FNIP1: variants seen among roughly 807,000 people sequenced by gnomAD.
The protein encoded by FNIP1 is folliculin interacting protein 1.
Under a neutral mutation model 124.5 loss-of-function variants are expected in FNIP1, and 40 were observed. The observed-to-expected ratio is 0.32, with a 90% confidence interval of 0.25 to 0.42. The LOEUF is 0.42. Among genes scored for constraint, FNIP1 ranks in the 10% least tolerant of loss-of-function variants. The probability of loss-of-function intolerance (pLI) is 1.00; values close to 1 mark genes in which losing one functional copy is unlikely to be tolerated. For synonymous variants in FNIP1, 472 were observed against 470.6 expected (o/e 1.00, Z -0.04); for missense variants, 1,176 against 1,403.7 (o/e 0.84, Z 2.59).
chr5:131,715,734 A>G (rs1347241827), intron 6 of FNIP1, among the ~76,000 whole-genome samples: 2 of 152,172 alleles, frequency 1.3e-5, no homozygotes, highest in African/African-American at 4.8e-5. Flanking sequence ...TAGGTGTTTT[A>G]TAAGTGATTG....
chr5:131,788,488 G>A (rs1162391410), intron 1 of FNIP1, among the ~76,000 whole-genome samples: 3 of 151,964 alleles, frequency 2.0e-5, no homozygotes, highest in Admixed American at 6.6e-5. Flanking sequence ...GGCCAACATG[G>A]TGAAACTCCC....
At chr5:131,742,961 T>C (rs1305284277) in intron 2 of FNIP1, among the ~76,000 whole-genome samples, 1 of 152,210 alleles carries the variant, frequency 6.6e-6, no homozygotes, top group South Asian at 2.1e-4. Flanking sequence ...TGTAAGGCAA[T>C]GTGCAGTGTA....
chr5:131,709,133 G>A, intron 8 of FNIP1, 68 bp downstream of exon 8: 2 of 1,258,678 alleles, frequency 1.6e-6, no homozygotes, highest in Non-Finnish European at 1.2e-6. Flanking sequence ...AATAAAGGGA[G>A]GGATAAAAAA....
intron 2 of FNIP1, among the ~76,000 whole-genome samples, chr5:131,731,456 C>G (rs953967638): frequency 4.6e-5 from 7 of 151,994 alleles, no homozygotes; most frequent in Non-Finnish European, 8.8e-5. Flanking sequence ...GAGTTCAAGA[C>G]CAGCCCGACC....
chr5:131,716,724 C>T (rs767438274), intron 5 of FNIP1, 68 bp from the exon 6 acceptor site: 1 of 940,062 alleles, frequency 1.1e-6, no homozygotes, highest in Non-Finnish European at 1.6e-6. Context: ...CTTTGTACAT[C>T]CTGATGAAAT....
intron 11 of FNIP1, among the ~76,000 whole-genome samples, chr5:131,683,372 C>G (rs1480683989): frequency 6.6e-6 from 1 of 151,778 alleles, no homozygotes; most frequent in Non-Finnish European, 1.5e-5. Flanking sequence ...CACGGAGAAA[C>G]CCTGTCGCTA....
rs936319252 is a variant in FNIP1 at position 131,775,459 on chromosome 5, G to A, written c.92+21371C>T. 1.2e-3 allele frequency among the ~76,000 whole-genome samples: 67 copies of A among 53,674 alleles called. 1 individual carries two copies. Among genetic ancestry groups the A allele is most frequent in the African/African-American group, 5.2e-3 (65 of 12,602 alleles). The allele number at this position is 53,674 out of a possible 152,430, so 35.2% of individuals were successfully genotyped here. A position where few individuals can be genotyped will look rare whatever the true frequency, so the allele number is the denominator to read the frequency against. Reference sequence around the variant, plus strand: ...AACAGTTCATTTAAAAATAAAATATGTATCATCTAATAATTCCATATTGAA... The same window carrying A: ...AACAGTTCATTTAAAAATAAAATATATATCATCTAATAATTCCATATTGAA... On this transcript the variant is annotated intron_variant, in intron 1 of 17. Coordinates refer to ENST00000510461, the MANE Select transcript of FNIP1 (RefSeq NM_133372.3).
At chr5:131,762,612 G>A (rs1301505579) in intron 1 of FNIP1, among the ~76,000 whole-genome samples, 1 of 152,128 alleles carries the variant, frequency 6.6e-6, no homozygotes, top group African/African-American at 2.4e-5. Flanking sequence ...ATGCTGGTGA[G>A]GATGTAGAGA....
intron 3 of FNIP1, among the ~76,000 whole-genome samples, chr5:131,728,937 C>T (rs1440460229): frequency 6.6e-6 from 1 of 152,182 alleles, no homozygotes; most frequent in Non-Finnish European, 1.5e-5. Context: ...ACCAGTCAGG[C>T]CCCTCCGCTG....
At chr5:131,777,971 T>C (rs1035927022) in intron 1 of FNIP1, among the ~76,000 whole-genome samples, 1 of 152,208 alleles carries the variant, frequency 6.6e-6, no homozygotes, top group African/African-American at 2.4e-5. Flanking sequence ...GAATGGTTGA[T>C]AGGCAACCCT....
intron 6 of FNIP1, among the ~76,000 whole-genome samples, chr5:131,715,410 C>T (rs1167570741): frequency 1.3e-5 from 2 of 152,046 alleles, no homozygotes; most frequent in Non-Finnish European, 2.9e-5. Flanking sequence ...CGCTTGAACC[C>T]GGGAGGCAGA....
At chr5:131,777,192 T>G (rs1771839229) in intron 1 of FNIP1, among the ~76,000 whole-genome samples, 1 of 151,970 alleles carries the variant, frequency 6.6e-6, no homozygotes, top group Admixed American at 6.6e-5. Context: ...GAAAACAGAA[T>G]TTTCAACATA....
chr5:131,731,036 T>C lies in FNIP1; in HGVS notation c.222A>G (p.Lys74=). The C allele has an allele frequency of 1.3e-6, 2 of 1,599,496 alleles. No homozygotes were observed. The highest frequency in any genetic ancestry group is 2.7e-5 in the African/African-American group (2 of 74,168). ...KRRNEDISVS[K]LGSDAQVKVF... is the part of the protein sequence containing the mutation. ...CTTTAACTTGAGCATCACTGCCGAG[T>C]TTCTGAAATAACAGATATTTCCACT... is the stretch of plus-strand genomic sequence containing the variant. Residue 74 remains lysine (K), a splice_region_variant and synonymous_variant, in exon 3 of 18, where the codon AAA becomes AAG. Transcript: ENST00000510461.
At chr5:131,745,892 A>G (rs186569983) in intron 1 of FNIP1, among the ~76,000 whole-genome samples, 112 of 152,220 alleles carry the variant, frequency 7.4e-4, no homozygotes, top group South Asian at 6.0e-3. Flanking sequence ...GTAAGTAATG[A>G]CCTCCAGAGT....
chr5:131,713,377 G>A (rs1377384300), intron 6 of FNIP1, among the ~76,000 whole-genome samples: 1 of 152,062 alleles, frequency 6.6e-6, no homozygotes, highest in Non-Finnish European at 1.5e-5. Context: ...GCATTCCCCA[G>A]GGTTCCATCT....
intron 15 of FNIP1, among the ~76,000 whole-genome samples, chr5:131,660,425 C>T (rs572488795): frequency 3.9e-5 from 6 of 152,252 alleles, no homozygotes; most frequent in African/African-American, 1.4e-4. Context: ...ATGTCTGACA[C>T]CCTTGGCTCC....
chr5:131,645,844 ATAGTAAAAGGCAAG>A (rs1766863701), intron 17 of FNIP1, among the ~76,000 whole-genome samples: 2 of 152,234 alleles, frequency 1.3e-5, no homozygotes, highest in Non-Finnish European at 2.9e-5. Context: ...CATTCAAGAT[ATAGTAAAAGGCAAG>A]TTGTACAAGG....
chr5:131,648,171 A>AT (rs907611583), intron 16 of FNIP1, among the ~76,000 whole-genome samples: 10 of 98,952 alleles, frequency 1.0e-4, no homozygotes, highest in Non-Finnish European at 2.1e-4. Flanking sequence ...CTCTACAAAA[A>AT]TTAAAAAAAA....
intron 1 of FNIP1, among the ~76,000 whole-genome samples, chr5:131,759,904 G>A (rs1056167324): frequency 6.6e-6 from 1 of 152,182 alleles, no homozygotes; most frequent in African/African-American, 2.4e-5. Context: ...GTAATATGCA[G>A]CCATAAAAAA....
Sources: gnomAD v4.1 joint callset for allele counts (sites outside exome capture counted in the v4.1 genomes callset) on GRCh38, gnomAD v4.1.1 for gene constraint, MANE v1.5 for transcripts, NCBI Gene and HGNC (gene_info 2026-07-23, HGNC 2026-07-21) for gene names.